The following DIS3L2 variants were observed in gnomAD, a reference collection of about 807,000 sequenced individuals.
DIS3L2 encodes DIS3-like exonuclease 2.
DIS3L2 carries 34 observed loss-of-function variants against 97.5 expected under a neutral mutation model. That is an observed-to-expected ratio of 0.35 (90% CI 0.27 to 0.46). DIS3L2 has a LOEUF of 0.46. Ranked by LOEUF, DIS3L2 falls within the 20% of genes least tolerant of loss-of-function variation. DIS3L2 has a pLI of 1.00. For missense variants in DIS3L2, 1,038 were observed against 1,146.0 expected (o/e 0.91, Z 1.36); for synonymous variants, 435 against 445.2 (o/e 0.98, Z 0.29).
intron 1 of DIS3L2, among the ~76,000 whole-genome samples, chr2:232,003,825 A>G (rs1033759581): frequency 1.3e-5 from 2 of 152,188 alleles, no homozygotes; most frequent in Non-Finnish European, 1.5e-5. Context: ...GCTGCCATTC[A>G]AAATGTTGTT....
At chr2:231,994,194 T>C in intron 1 of DIS3L2, among the ~76,000 whole-genome samples, 1 of 152,004 alleles carries the variant, frequency 6.6e-6, no homozygotes, top group Admixed American at 6.6e-5. Flanking sequence ...CAGTTGGACA[T>C]ATTTGTAAGG....
At chr2:232,030,295 C>G (rs1005087941) in intron 5 of DIS3L2, among the ~76,000 whole-genome samples, 3 of 152,166 alleles carry the variant, frequency 2.0e-5, no homozygotes, top group African/African-American at 7.2e-5. Context: ...TGCTCTCTCT[C>G]TAGTGATCCA....
In DIS3L2 at chr2:232,325,606, C is replaced by T. The variant is rs1307228881; in HGVS notation, c.1740-4207C>T. Among the ~76,000 whole-genome samples the T allele has an allele frequency of 1.3e-5, 2 of 152,158 alleles. No homozygotes were observed. The highest frequency in any genetic ancestry group is 2.9e-5 in the Non-Finnish European group (2 of 68,002). On this transcript the variant is annotated intron_variant, in intron 14 of 20. Coordinates refer to ENST00000325385, the MANE Select transcript of DIS3L2 (RefSeq NM_152383.5). This position sits in a 1 kb window ranked among gnomAD's most constrained non-coding sequence, Gnocchi z 4.6. Reference sequence around the variant, plus strand: ...AGCCACTGTCACAGCACAGCCCCACCCCAGACCTCCAGAGTGGTGGGGCCC... The same window carrying T: ...AGCCACTGTCACAGCACAGCCCCACTCCAGACCTCCAGAGTGGTGGGGCCC...
At chr2:232,223,175 G>C (rs1028156894) in intron 10 of DIS3L2, among the ~76,000 whole-genome samples, 2 of 152,146 alleles carry the variant, frequency 1.3e-5, no homozygotes, top group Non-Finnish European at 2.9e-5. Flanking sequence ...CACCAGTCAG[G>C]CATCCTCAAG....
chr2:232,203,571 AT>A (rs1691953116), intron 9 of DIS3L2, among the ~76,000 whole-genome samples: 1 of 152,206 alleles, frequency 6.6e-6, no homozygotes. Flanking sequence ...TCCATCAGCT[AT>A]TCATTACATA....
chr2:232,187,331 T>C (rs1691468323), intron 9 of DIS3L2, among the ~76,000 whole-genome samples: 2 of 152,198 alleles, frequency 1.3e-5, no homozygotes, highest in Admixed American at 6.5e-5. Context: ...TGCAGCCATT[T>C]TGGAAAATAG....
chr2:232,190,565 GAGAGAGAGAGAAAGA>G (rs1691588486), intron 9 of DIS3L2, among the ~76,000 whole-genome samples: 1 of 151,596 alleles, frequency 6.6e-6, no homozygotes, highest in African/African-American at 2.4e-5. Context: ...GAGATGAGAT[GAGAGAGAGAGAAAGA>G]AGAGAGAGAG....
At chr2:232,175,598 G>A (rs1279922850) in intron 9 of DIS3L2, among the ~76,000 whole-genome samples, 6 of 151,810 alleles carry the variant, frequency 4.0e-5, no homozygotes, top group Admixed American at 3.3e-4. Context: ...TTTAGGTTCG[G>A]GGGTACATGT....
chr2:232,113,568 A>G (rs891239381), intron 6 of DIS3L2, among the ~76,000 whole-genome samples: 1 of 152,162 alleles, frequency 6.6e-6, no homozygotes, highest in South Asian at 2.1e-4. Flanking sequence ...CCCTTTTTCC[A>G]TCTTCATTAG....
intron 6 of DIS3L2, among the ~76,000 whole-genome samples, chr2:232,101,869 T>G (rs1228484068): frequency 6.6e-6 from 1 of 152,236 alleles, no homozygotes; most frequent in Non-Finnish European, 1.5e-5. Context: ...AGTTTAATAA[T>G]TCAATCAAGA....
chr2:232,169,052 G>A (rs1012049991), intron 9 of DIS3L2, among the ~76,000 whole-genome samples: 1 of 152,134 alleles, frequency 6.6e-6, no homozygotes, highest in South Asian at 2.1e-4. Context: ...CTATTAAGCA[G>A]TAGTCAAATG....
At chr2:232,096,848 A>C (rs1476090041) in intron 6 of DIS3L2, among the ~76,000 whole-genome samples, 1 of 151,952 alleles carries the variant, frequency 6.6e-6, no homozygotes, top group Non-Finnish European at 1.5e-5. Context: ...AATTTCTTTG[A>C]GTTTCCTCAA....
intron 1 of DIS3L2, among the ~76,000 whole-genome samples, chr2:231,981,936 AG>A (rs1230171825): frequency 1.3e-5 from 2 of 151,338 alleles, no homozygotes; most frequent in Non-Finnish European, 2.9e-5. Context: ...CGGGAGGCTG[AG>A]GCATGAGAAT....
Position 232,336,702 on chromosome 2 carries a change from C to T in DIS3L2, c.*72C>T, listed in dbSNP as rs138716319. 4.3e-4 allele frequency: 665 copies of T among 1,528,768 alleles called. No individual in the cohort carries two copies. Among genetic ancestry groups the T allele is most frequent in the Non-Finnish European group, 5.2e-4 (595 of 1,149,074 alleles). The allele number at this position is 1,528,768 out of a possible 1,614,324, so 94.7% of individuals were successfully genotyped here. A position where few individuals can be genotyped will look rare whatever the true frequency, so the allele number is the denominator to read the frequency against. Reference sequence around the variant, plus strand: ...ACACTGGCTTTAGGACCTGTTGACACGGAGGGGGGTTTTTAATTTGGTTTT... The same window carrying T: ...ACACTGGCTTTAGGACCTGTTGACATGGAGGGGGGTTTTTAATTTGGTTTT... On this transcript the variant is annotated 3_prime_UTR_variant, in exon 21 of 21. Transcript: ENST00000325385.
At chr2:232,328,276 C>G (rs1370387565) in intron 14 of DIS3L2, among the ~76,000 whole-genome samples, 1 of 152,224 alleles carries the variant, frequency 6.6e-6, no homozygotes, top group Non-Finnish European at 1.5e-5. Context: ...CCAAAAAAGT[C>G]CCCACTAGTC....
At chr2:232,141,123 T>C (rs1393426325) in intron 8 of DIS3L2, among the ~76,000 whole-genome samples, 2 of 152,204 alleles carry the variant, frequency 1.3e-5, no homozygotes, top group Non-Finnish European at 2.9e-5. Flanking sequence ...TCTTAAATCA[T>C]CTTTCCCTTT....
At chr2:232,134,531 ATGG>A (rs1204520797) in intron 7 of DIS3L2, among the ~76,000 whole-genome samples, 1 of 152,156 alleles carries the variant, frequency 6.6e-6, no homozygotes, top group Non-Finnish European at 1.5e-5. Flanking sequence ...GTGATAGAAT[ATGG>A]TGGTTCAAGG....
chr2:232,336,109 G>T, intron 20 of DIS3L2: 2 of 1,543,592 alleles, frequency 1.3e-6, no homozygotes, highest in Non-Finnish European at 1.7e-6. Flanking sequence ...GGCTCTGCCT[G>T]TCCCGCTAAT....
intron 5 of DIS3L2, among the ~76,000 whole-genome samples, chr2:232,081,024 AATTT>A (rs1696374602): frequency 6.6e-6 from 1 of 151,714 alleles, no homozygotes; most frequent in Admixed American, 6.6e-5. Flanking sequence ...TTTTTCTTGC[AATTT>A]ATTTGTTGGC....
Sources: gnomAD v4.1 joint callset for allele counts (sites outside exome capture counted in the v4.1 genomes callset) on GRCh38, gnomAD v4.1.1 for gene constraint, Gnocchi (gnomAD v3.1) non-coding constraint, MANE v1.5 for transcripts, NCBI Gene and HGNC (gene_info 2026-07-23, HGNC 2026-07-21) for gene names.